The following BCL11A variants were observed in gnomAD, a reference collection of about 807,000 sequenced individuals.
BCL11A encodes B cell CLL/lymphoma 11A.
BCL11A carries 2 observed loss-of-function variants against 55.9 expected under a neutral mutation model. The ratio of observed to expected loss-of-function variants is 0.04; its 90% CI spans 0.01 to 0.11. The LOEUF is 0.11. Among genes scored for constraint, BCL11A ranks in the 10% least tolerant of loss-of-function variants. BCL11A has a pLI of 1.00. For missense variants in BCL11A, 817 were observed against 1,137.1 expected (o/e 0.72, Z 4.05); for synonymous variants, 465 against 473.4 (o/e 0.98, Z 0.23).
At chr2:60,502,599 T>C (rs764123998) in intron 2 of BCL11A, among the ~76,000 whole-genome samples, 1 of 152,228 alleles carries the variant, frequency 6.6e-6, no homozygotes, top group Non-Finnish European at 1.5e-5. Context: ...CCCAATCCCA[T>C]GCTTTCTAAT....
chr2:60,482,445 G>A (rs1678016837), intron 2 of BCL11A, among the ~76,000 whole-genome samples: 1 of 152,146 alleles, frequency 6.6e-6, no homozygotes, highest in Admixed American at 6.5e-5. Context: ...CTGGGCACCA[G>A]GCATACAGAG....
chr2:60,498,711 G>A (rs1215224720), intron 2 of BCL11A, among the ~76,000 whole-genome samples: 2 of 152,196 alleles, frequency 1.3e-5, no homozygotes, highest in Non-Finnish European at 2.9e-5. Flanking sequence ...CAGATGAGGT[G>A]ACAAGGGGAG....
downstream of BCL11A, among the ~76,000 whole-genome samples, chr2:60,454,254 G>A (rs926684375): frequency 2.6e-5 from 4 of 152,104 alleles, no homozygotes; most frequent in Non-Finnish European, 4.4e-5. Context: ...GTGTTCTGAT[G>A]TCCATTTCTC....
chr2:60,508,562 C>T lies in BCL11A; in HGVS notation c.385+37409G>A, dbSNP rs1276562901. The T allele has an allele frequency of 8.5e-5, 13 of 152,278 alleles. No homozygotes were observed. The East Asian group carries it at 2.3e-3, about 27-fold the overall frequency. The allele number at this position is 152,278 out of a possible 1,614,324, so 9.4% of individuals were successfully genotyped here. On this transcript the variant is annotated intron_variant, in intron 2 of 3. Transcript: ENST00000642384. ...CCTGTTCTGAAGAGGACTTTGCTTT[C>T]CTCCGGGATGTAAAGCATTTGGCAG...
chr2:60,497,785 C>T (rs1679037439), intron 2 of BCL11A, among the ~76,000 whole-genome samples: 1 of 152,166 alleles, frequency 6.6e-6, no homozygotes, highest in African/African-American at 2.4e-5. Flanking sequence ...CCCCAAAGGA[C>T]TCAGTGGCCT....
chr2:60,467,138 T>TTGGTGGTGGTGGTGGTGG (rs1676688985), intron 3 of BCL11A, among the ~76,000 whole-genome samples: 1 of 61,754 alleles, frequency 1.6e-5, no homozygotes, highest in African/African-American at 6.3e-5. Context: ...GATGGTGGTG[T>TTGGTGGTGGTGGTGGTGG]TGGTGGTGAT....
At position 60,461,569 on chromosome 2, in the gene BCL11A, G is replaced by A; in HGVS notation, c.1343C>T (p.Pro448Leu). Residue 448 changes from proline to leucine, a missense_variant, in exon 4 of 4, where the codon CCG becomes CTG. Transcript: ENST00000642384. ...SDDGLSTASS[P>L]EPGTSDLVGS... ...CACCAAGTCGCTGGTGCCGGGTTCC[G>A]GGGAGCTGGCGGTGGAGAGACCGTC... 1 of 1,612,032 alleles carries A rather than the reference G, an allele frequency of 6.2e-7. No individual in the cohort carries two copies. Among genetic ancestry groups the A allele is most frequent in the Non-Finnish European group, 8.5e-7 (1 of 1,180,016 alleles).
intron 2 of BCL11A, among the ~76,000 whole-genome samples, chr2:60,516,167 T>C (rs1183632034): frequency 6.6e-6 from 1 of 152,228 alleles, no homozygotes; most frequent in South Asian, 2.1e-4. Flanking sequence ...GTAATGCTTT[T>C]CATATCATCC....
At chr2:60,484,685 A>AG (rs997302156) in intron 2 of BCL11A, among the ~76,000 whole-genome samples, 3 of 151,856 alleles carry the variant, frequency 2.0e-5, no homozygotes, top group Admixed American at 6.6e-5. Context: ...GGGAATTTGG[A>AG]GGGGGGCAAA....
At chr2:60,529,441 A>G (rs1305824213) in intron 2 of BCL11A, among the ~76,000 whole-genome samples, 1 of 152,230 alleles carries the variant, frequency 6.6e-6, no homozygotes, top group African/African-American at 2.4e-5. Flanking sequence ...CCCTCAGCCT[A>G]AACCATTTTA....
At chr2:60,537,494 C>T (rs565308211) in intron 2 of BCL11A, 3 of 152,292 alleles carry the variant, frequency 2.0e-5, no homozygotes, top group African/African-American at 7.2e-5. Context: ...GAGAATACTT[C>T]AGGTTTGGTT....
intron 2 of BCL11A, among the ~76,000 whole-genome samples, chr2:60,493,201 G>A (rs903962551): frequency 6.6e-6 from 1 of 152,134 alleles, no homozygotes; most frequent in East Asian, 1.9e-4. Context: ...CCACCATAGG[G>A]CGTTTATCCA....
rs149997644 is a variant in BCL11A, at chr2:60,502,754, C to T, written c.386-33921G>A. 3.9e-3 allele frequency among the ~76,000 whole-genome samples: 592 copies of T among 152,286 alleles called. 7 individuals are homozygous for T. Among genetic ancestry groups the T allele is most frequent in the Non-Finnish European group, 2.7e-3 (184 of 68,034 alleles). ...AAATTTACCTCTGATCATGGTAGCACAGTAGAGCAGAAAGAGCACTCAATT... is the reference window on the plus strand; with the variant it reads ...AAATTTACCTCTGATCATGGTAGCATAGTAGAGCAGAAAGAGCACTCAATT... On this transcript the variant is annotated intron_variant, in intron 2 of 3. Coordinates refer to ENST00000642384, the MANE Select transcript of BCL11A (RefSeq NM_022893.4).
chr2:60,552,650 G>A (rs957427404), intron 1 of BCL11A, among the ~76,000 whole-genome samples: 1 of 152,178 alleles, frequency 6.6e-6, no homozygotes, highest in South Asian at 2.1e-4. Context: ...ACTATTGTGG[G>A]GATGACTACT....
At chr2:60,489,108 A>AAATAATAGG (rs1448073486) in intron 2 of BCL11A, among the ~76,000 whole-genome samples, 1 of 152,174 alleles carries the variant, frequency 6.6e-6, no homozygotes, top group African/African-American at 2.4e-5. Context: ...TGTGTGTCCT[A>AAATAATAGG]AATAATAGGT....
At chr2:60,544,019 G>A in intron 2 of BCL11A, 1 of 152,160 alleles carries the variant, frequency 6.6e-6, no homozygotes, top group East Asian at 1.9e-4. Flanking sequence ...AACTATAGCA[G>A]TAAAAGTCTT....
At chr2:60,470,401 G>C (rs1318079373) in intron 2 of BCL11A, among the ~76,000 whole-genome samples, 1 of 152,210 alleles carries the variant, frequency 6.6e-6, no homozygotes, top group East Asian at 1.9e-4. Context: ...TGAGAAATCT[G>C]AGAATCCATC....
chr2:60,465,599 AC>A (rs1217647046), intron 3 of BCL11A, among the ~76,000 whole-genome samples: 2 of 152,218 alleles, frequency 1.3e-5, no homozygotes, highest in African/African-American at 4.8e-5. Context: ...ATTCAGAAGA[AC>A]AAGGAGGTCT....
intron 2 of BCL11A, among the ~76,000 whole-genome samples, chr2:60,515,849 G>A (rs1449961860): frequency 6.6e-6 from 1 of 152,170 alleles, no homozygotes; most frequent in Non-Finnish European, 1.5e-5. Context: ...CCACTGTGAG[G>A]TCTTACTGTG....
Sources: gnomAD v4.1 joint callset for allele counts (sites outside exome capture counted in the v4.1 genomes callset) on GRCh38, gnomAD v4.1.1 for gene constraint, MANE v1.5 for transcripts, NCBI Gene and HGNC (gene_info 2026-07-23, HGNC 2026-07-21) for gene names.